CSNK1G2: variants seen among roughly 807,000 people sequenced by gnomAD.
CSNK1G2 encodes casein kinase I isoform gamma-2.
Under a neutral mutation model 48.0 loss-of-function variants are expected in CSNK1G2, and 11 were observed. The ratio of observed to expected loss-of-function variants is 0.23; its 90% CI spans 0.14 to 0.38. CSNK1G2 has a LOEUF of 0.38. Ranked by LOEUF, CSNK1G2 falls within the 10% of genes least tolerant of loss-of-function variation. The pLI is 1.00. For missense variants in CSNK1G2, 446 were observed against 595.5 expected, an observed-to-expected ratio of 0.75 and a Z score of 2.61; for synonymous variants, 337 against 254.1, an observed-to-expected ratio of 1.33 and a Z score of -3.10.
At chr19:1,964,840 C>G (rs1320374630) in intron 1 of CSNK1G2, among the ~76,000 whole-genome samples, 2 of 151,688 alleles carry the variant, frequency 1.3e-5, no homozygotes, top group Non-Finnish European at 2.9e-5. Context: ...ATTCTCCTGC[C>G]TCAGCTTCCC....
chr19:1,979,842 C>G lies in CSNK1G2; in HGVS notation c.1086+7C>G, dbSNP rs1276286854. On this transcript the variant is annotated splice_region_variant and intron_variant, in intron 10 of 11. Transcript: ENST00000255641. ...GCCGCACAGCAAAAACCAGGTGAGG[C>G]CCGGGCGGGACCGACCGCCCCAGGG... The G allele has an allele frequency of 6.2e-7, 1 of 1,603,502 alleles. No individual in the cohort carries two copies. The highest frequency in any genetic ancestry group is 8.5e-7 in the Non-Finnish European group (1 of 1,175,748).
intron 1 of CSNK1G2, among the ~76,000 whole-genome samples, chr19:1,962,667 CAA>C (rs1436351276): frequency 1.3e-5 from 2 of 152,124 alleles, no homozygotes. Context: ...TGTCTCAAAA[CAA>C]ACACAAAAGC....
rs530912521 is a variant in CSNK1G2 at position 1,980,615 on chromosome 19, C to T, written c.*412C>T. On this transcript the variant is annotated 3_prime_UTR_variant, in exon 12 of 12. Coordinates refer to ENST00000255641, the MANE Select transcript of CSNK1G2 (RefSeq NM_001319.7). ...TAGCGTCATAAAGTCCAGCTTGTCT[C>T]CCTCGATCCAAAGGCCGTTTTCTCG... The T allele has an allele frequency of 4.2e-6, 1 of 238,018 alleles. No homozygotes were observed. The highest frequency in any genetic ancestry group is 5.3e-5 in the Admixed American group (1 of 18,702). 14.7% of individuals were successfully genotyped at this position (238,018 alleles called of 1,614,324 possible). A position where few individuals can be genotyped will look rare whatever the true frequency, so the allele number is the denominator to read the frequency against.
Position 1,953,080 on chromosome 19 carries a change from C to T in CSNK1G2, c.-266+11662C>T, listed in dbSNP as rs537271254. Reference sequence around the variant, plus strand: ...GGTTTTCCACGGCCGTTCATGGTTACGCTTCTGGAAGGACCCGTGTCCTCT... The same window carrying T: ...GGTTTTCCACGGCCGTTCATGGTTATGCTTCTGGAAGGACCCGTGTCCTCT... On this transcript the variant is annotated intron_variant, in intron 1 of 11. Transcript: ENST00000255641. 9.4e-4 allele frequency: 374 copies of T among 399,520 alleles called. 3 individuals carry two copies. Among genetic ancestry groups the T allele is most frequent in the South Asian group, 6.6e-3 (363 of 54,602 alleles). The allele number at this position is 399,520 out of a possible 1,614,324, so 24.7% of individuals were successfully genotyped here. A position where few individuals can be genotyped will look rare whatever the true frequency, so the allele number is the denominator to read the frequency against.
At chr19:1,976,209 G>A (rs2015748758) in intron 2 of CSNK1G2, 3 of 846,940 alleles carry the variant, frequency 3.5e-6, no homozygotes. Context: ...TGTTACACTG[G>A]GGAGAACGTA....
In CSNK1G2 at chr19:1,979,604, C is replaced by A; in HGVS notation, c.963C>A (p.Phe321Leu). The change falls in exon 9 of 12, where the codon TTC becomes TTA. Residue 321 changes from phenylalanine to leucine, a missense_variant. Phe to Leu is a conservative substitution (Grantham distance 22). Transcript: ENST00000255641. ...LFTDLFDRSG[F>L]VFDYEYDWAG... is the part of the protein sequence containing the mutation. Reference sequence around the variant, plus strand: ...CCGACCTCTTCGACCGCAGTGGCTTCGTGTTCGACTATGAGTACGACTGGG... The same window carrying A: ...CCGACCTCTTCGACCGCAGTGGCTTAGTGTTCGACTATGAGTACGACTGGG... 2 of 1,606,646 alleles carry A rather than the reference C, an allele frequency of 1.2e-6. No individual in the cohort carries two copies.
At chr19:1,961,442 A>G (rs995517250) in intron 1 of CSNK1G2, among the ~76,000 whole-genome samples, 2 of 152,258 alleles carry the variant, frequency 1.3e-5, no homozygotes, top group African/African-American at 2.4e-5. Context: ...CCTCGCAGGC[A>G]GGGCCCAGCA....
At position 1,978,068 on chromosome 19, in the gene CSNK1G2, G is replaced by T. The variant is rs1391791276; in HGVS notation, c.188-237G>T. Reference sequence around the variant, plus strand: ...GGGAGGTGGGGGGGCGGGGGAGGAGGAGTGGCAGACACTGAGGCGGTGACC... The same window carrying T: ...GGGAGGTGGGGGGGCGGGGGAGGAGTAGTGGCAGACACTGAGGCGGTGACC... On this transcript the variant is annotated intron_variant, in intron 2 of 11. Transcript: ENST00000255641. The surrounding 1 kb of genome is among the most constrained non-coding windows in gnomAD (Gnocchi z 7.3). Among the ~76,000 whole-genome samples the T allele has an allele frequency of 6.6e-6, 1 of 151,932 alleles. No homozygotes were observed. Among genetic ancestry groups the T allele is most frequent in the African/African-American group, 2.4e-5 (1 of 41,406 alleles).
At chr19:1,961,992 G>T in intron 1 of CSNK1G2, among the ~76,000 whole-genome samples, 1 of 152,098 alleles carries the variant, frequency 6.6e-6, no homozygotes, top group East Asian at 1.9e-4. Flanking sequence ...GAGAAAACTC[G>T]CATCCAAAAA....
chr19:1,978,714 C>T lies in CSNK1G2; in HGVS notation c.411C>T (p.Phe137=). The T allele has an allele frequency of 6.2e-7, 1 of 1,601,836 alleles. No homozygotes were observed. Among genetic ancestry groups the T allele is most frequent in the Non-Finnish European group, 8.5e-7 (1 of 1,174,590 alleles). The change falls in exon 5 of 12, where the codon TTC becomes TTT. Residue 137 remains phenylalanine, a synonymous_variant. Coordinates refer to ENST00000255641, the MANE Select transcript of CSNK1G2 (RefSeq NM_001319.7). The surrounding 1 kb of genome is among the most constrained non-coding windows in gnomAD (Gnocchi z 7.3). ...EDLFDLCDRT[F]TLKTVLMIAI... Reference sequence around the variant, plus strand: ...TGTTCGACCTGTGCGACCGGACCTTCACGCTCAAGACGGTGCTGATGATCG... The same window carrying T: ...TGTTCGACCTGTGCGACCGGACCTTTACGCTCAAGACGGTGCTGATGATCG...
intron 1 of CSNK1G2, among the ~76,000 whole-genome samples, chr19:1,944,486 C>A (rs2014481702): frequency 6.6e-6 from 1 of 152,206 alleles, no homozygotes; most frequent in South Asian, 2.1e-4. Context: ...CGAGGGCTGA[C>A]TCCCACACCT....
chr19:1,968,670 C>G (rs1478842888), intron 1 of CSNK1G2: 3 of 152,624 alleles, frequency 2.0e-5, no homozygotes, highest in Non-Finnish European at 2.9e-5. Context: ...TGTTCCTTCT[C>G]AGGACCAGAG....
intron 1 of CSNK1G2, among the ~76,000 whole-genome samples, chr19:1,962,927 A>C (rs1409452482): frequency 1.3e-5 from 2 of 152,158 alleles, no homozygotes. Flanking sequence ...TACAACCCAG[A>C]TGGCCGTCAG....
rs369960583 is a variant in CSNK1G2 at position 1,976,333 on chromosome 19, G to A, written c.188-1972G>A. On this transcript the variant is annotated intron_variant, in intron 2 of 11. Coordinates refer to ENST00000255641, the MANE Select transcript of CSNK1G2 (RefSeq NM_001319.7). ...GACTGGAGAGACCAGCCCTGGTCCC[G>A]GGCTCAGGGCTGCAGGGAGGCACCT... Among the ~76,000 whole-genome samples the A allele has an allele frequency of 1.4e-4, 22 of 152,148 alleles. No homozygotes were observed. The South Asian group carries it at 2.7e-3, about 19-fold the overall frequency.
chr19:1,958,145 G>T (rs1449546951), intron 1 of CSNK1G2, among the ~76,000 whole-genome samples: 1 of 152,020 alleles, frequency 6.6e-6, no homozygotes, highest in Non-Finnish European at 1.5e-5. Context: ...AGCCTCATGG[G>T]GCACCTGCCT....
intron 2 of CSNK1G2, among the ~76,000 whole-genome samples, chr19:1,970,418 TC>T (rs2015527642): frequency 2.0e-5 from 3 of 152,210 alleles, no homozygotes; most frequent in Admixed American, 2.0e-4. Context: ...TGTGTGCCAC[TC>T]CCAGCTTCAC....
chr19:1,976,076 A>G (rs2015743589), intron 2 of CSNK1G2: 1 of 1,289,378 alleles, frequency 7.8e-7, no homozygotes. Flanking sequence ...AATAAAATGG[A>G]CCGGTGGATG....
At chr19:1,953,179 T>A (rs1013325189) in intron 1 of CSNK1G2, among the ~76,000 whole-genome samples, 1 of 152,120 alleles carries the variant, frequency 6.6e-6, no homozygotes, top group Non-Finnish European at 1.5e-5. Context: ...GGAGCTTTCT[T>A]TCCTGGTGGG....
chr19:1,946,164 C>T (rs919438881), intron 1 of CSNK1G2, among the ~76,000 whole-genome samples: 3 of 152,134 alleles, frequency 2.0e-5, no homozygotes, highest in Non-Finnish European at 4.4e-5. Context: ...ACGTCTGTGT[C>T]TCAGGCCGCG....
Sources: allele counts gnomAD v4.1 joint callset (sites outside exome capture counted in the v4.1 genomes callset), GRCh38; gene constraint gnomAD v4.1.1; non-coding constraint Gnocchi (gnomAD v3.1); transcripts MANE v1.5; gene names NCBI Gene and HGNC (gene_info 2026-07-23, HGNC 2026-07-21).